NRCAM: variants seen among roughly 807,000 people sequenced by gnomAD.
The protein encoded by NRCAM is neuronal cell adhesion molecule.
Under a neutral mutation model 156.5 loss-of-function variants are expected in NRCAM, and 83 were observed. That is an observed-to-expected ratio of 0.53 (90% CI 0.44 to 0.64). The LOEUF (loss-of-function observed/expected upper bound fraction) is 0.64, where lower values mean the gene tolerates loss of function less well. Ranked by LOEUF, NRCAM falls within the 30% of genes least tolerant of loss-of-function variation. NRCAM has a pLI of 0.00. For missense variants in NRCAM, 1,417 were observed against 1,597.3 expected (o/e 0.89, Z 1.92); for synonymous variants, 538 against 563.9 (o/e 0.95, Z 0.65).
Position 108,232,464 on chromosome 7 carries a change from T to C in NRCAM, c.289A>G (p.Met97Val), listed in dbSNP as rs150121000. The C allele has an allele frequency of 1.2e-5, 19 of 1,613,712 alleles. No individual in the cohort carries two copies. The African/African-American group carries it at 1.6e-4, about 14-fold the overall frequency. Reference sequence around the variant, plus strand: ...ATGAGCGTTCCTGTGCCAGGCTTCATGGTGACCAGAGGGTCTTTATCGATG... The same window carrying C: ...ATGAGCGTTCCTGTGCCAGGCTTCACGGTGACCAGAGGGTCTTTATCGATG... ...FDIDKDPLVT[M>V]KPGTGTLIIN... Residue 97 changes from methionine (M) to valine (V), a missense_variant, in exon 7 of 33, where the codon ATG (methionine) becomes GTG (valine). Met to Val is a conservative substitution (Grantham distance 21). This residue lies in a region of NRCAM where 1,238 missense variants were observed against 1,336.4 expected (regional missense o/e 0.93). Coordinates refer to ENST00000379028, the MANE Select transcript of NRCAM (RefSeq NM_001037132.4).
chr7:108,368,224 A>ACCCCCCCCC (rs67897117), intron 2 of NRCAM, among the ~76,000 whole-genome samples: 148 of 90,972 alleles, frequency 1.6e-3, no homozygotes, highest in Non-Finnish European at 1.9e-3. Context: ...ACACTTTCAT[A>ACCCCCCCCC]CCCCCCCCCA....
intron 1 of NRCAM, among the ~76,000 whole-genome samples, chr7:108,455,125 C>A (rs1209649369): frequency 1.3e-5 from 2 of 152,166 alleles, no homozygotes; most frequent in African/African-American, 4.8e-5. Flanking sequence ...CCCGGGGAGC[C>A]CTCCAGCAGC....
intron 1 of NRCAM, among the ~76,000 whole-genome samples, chr7:108,416,447 G>A (rs1801666505): frequency 1.3e-5 from 2 of 152,160 alleles, no homozygotes; most frequent in Non-Finnish European, 2.9e-5. Context: ...TCAGAACTAT[G>A]CTTTGTCATC....
In NRCAM at chr7:108,416,253, G is replaced by A. The variant is rs185992923; in HGVS notation, c.-331-16660C>T. Among the ~76,000 whole-genome samples, 178 of 152,354 alleles carry A rather than the reference G, an allele frequency of 1.2e-3. 1 individual carries two copies. Among genetic ancestry groups the A allele is most frequent in the Admixed American group, 5.8e-3 (89 of 15,306 alleles). ...CAGATGCAATTCCAGGAGTAGGATA[G>A]AGACAGCAGAAAAACAGCACATTTC... On this transcript the variant is annotated intron_variant, in intron 1 of 32. Coordinates refer to ENST00000379028, the MANE Select transcript of NRCAM (RefSeq NM_001037132.4).
At chr7:108,320,280 T>A (rs1223421477) in intron 2 of NRCAM, among the ~76,000 whole-genome samples, 1 of 151,950 alleles carries the variant, frequency 6.6e-6, no homozygotes, top group Admixed American at 6.6e-5. Context: ...AGGGAGACCC[T>A]GTCTCTGTGA....
At chr7:108,150,230 G>T in intron 32 of NRCAM, 83 bp from the exon 33 acceptor site, 1 of 1,176,088 alleles carries the variant, frequency 8.5e-7, no homozygotes, top group Non-Finnish European at 1.2e-6. Context: ...TGCAAATTAT[G>T]AGAAAGCATT....
At chr7:108,405,581 G>A (rs2099804952) in intron 1 of NRCAM, among the ~76,000 whole-genome samples, 1 of 152,158 alleles carries the variant, frequency 6.6e-6, no homozygotes. Context: ...TTTGAACCCA[G>A]GTCTTTCTGA....
intron 3 of NRCAM, among the ~76,000 whole-genome samples, chr7:108,255,906 C>CGGGA (rs2096622577): frequency 1.9e-5 from 1 of 51,856 alleles, no homozygotes; most frequent in African/African-American, 7.5e-5. Context: ...CCGCCCCGTC[C>CGGGA]GGGAGGTGGG....
chr7:108,299,683 G>A (rs942730165), intron 3 of NRCAM, among the ~76,000 whole-genome samples: 4 of 152,178 alleles, frequency 2.6e-5, no homozygotes, highest in Non-Finnish European at 5.9e-5. Flanking sequence ...GGGCAGCCGG[G>A]TAATAACTTT....
intron 1 of NRCAM, among the ~76,000 whole-genome samples, chr7:108,450,806 G>A (rs758630253): frequency 2.6e-5 from 4 of 152,174 alleles, no homozygotes; most frequent in Non-Finnish European, 4.4e-5. Flanking sequence ...CACAAAGTAT[G>A]TAATCAATTA....
intron 13 of NRCAM, among the ~76,000 whole-genome samples, chr7:108,199,732 G>A (rs979140767): frequency 6.6e-6 from 1 of 152,128 alleles, no homozygotes; most frequent in Non-Finnish European, 1.5e-5. Flanking sequence ...GATAGTCCAG[G>A]ATAACCTCCC....
rs774060792 is a variant in NRCAM at position 108,182,768 on chromosome 7, G to A, written c.2457C>T (p.Ile819=). Residue 819 remains isoleucine (I), a synonymous_variant, in exon 23 of 33, where the codon ATC becomes ATT. Transcript: ENST00000379028. The part of the protein sequence containing the change: ...SGTPTFVPYL[I]KVQALNDMGF... ...CCATGTCATTCAGGGCCTGAACTTT[G>A]ATCAGGTATGGAACAAAGGTTGGCG... 2 of 1,614,200 alleles carry A rather than the reference G, an allele frequency of 1.2e-6. No homozygotes were observed. The highest frequency in any genetic ancestry group is 2.2e-5 in the South Asian group (2 of 91,078).
intron 2 of NRCAM, among the ~76,000 whole-genome samples, chr7:108,398,211 C>T (rs2099782381): frequency 6.6e-6 from 1 of 152,140 alleles, no homozygotes; most frequent in Non-Finnish European, 1.5e-5. Context: ...CTGCTTCTCT[C>T]CTAAATTCCC....
intron 1 of NRCAM, among the ~76,000 whole-genome samples, chr7:108,432,373 T>C (rs1826343937): frequency 6.6e-6 from 1 of 152,212 alleles, no homozygotes; most frequent in Non-Finnish European, 1.5e-5. Context: ...GAAGAATTGG[T>C]GTAACAAGAC....
intron 3 of NRCAM, among the ~76,000 whole-genome samples, chr7:108,243,807 A>G (rs2095706476): frequency 6.6e-6 from 1 of 152,186 alleles, no homozygotes; most frequent in Non-Finnish European, 1.5e-5. Context: ...CATTCAAAGC[A>G]ACTTTTCGTA....
At chr7:108,198,577 T>C (rs1040924683) in intron 13 of NRCAM, among the ~76,000 whole-genome samples, 3 of 152,074 alleles carry the variant, frequency 2.0e-5, no homozygotes, top group African/African-American at 7.2e-5. Flanking sequence ...GTTCAAGAGA[T>C]TGTGGTTATT....
intron 2 of NRCAM, among the ~76,000 whole-genome samples, chr7:108,320,820 G>C (rs1456181685): frequency 6.6e-6 from 1 of 152,174 alleles, no homozygotes; most frequent in Non-Finnish European, 1.5e-5. Context: ...ATTCAGACCA[G>C]CATAATACTG....
At chr7:108,402,997 C>G (rs553668572) in intron 1 of NRCAM, among the ~76,000 whole-genome samples, 15 of 152,250 alleles carry the variant, frequency 9.9e-5, no homozygotes, top group African/African-American at 3.4e-4. Flanking sequence ...CATCTCAAAC[C>G]GAACTTTCTA....
At chr7:108,150,201 T>A in intron 32 of NRCAM, 54 bp from the exon 33 acceptor site, 1 of 1,466,008 alleles carries the variant, frequency 6.8e-7, no homozygotes, top group East Asian at 2.3e-5. Flanking sequence ...TAACATTTTC[T>A]GTTTTTAAAG....
Sources: allele counts gnomAD v4.1 joint callset (sites outside exome capture counted in the v4.1 genomes callset), GRCh38; gene constraint gnomAD v4.1.1; regional missense constraint gnomAD v4.1.1; transcripts MANE v1.5; gene names NCBI Gene and HGNC (gene_info 2026-07-23, HGNC 2026-07-21).